ZNF385D: variants seen among roughly 807,000 people sequenced by gnomAD.
ZNF385D encodes the protein zinc finger protein 385D.
A neutral mutation model predicts 35.8 loss-of-function variants in ZNF385D; 15 were observed. The observed-to-expected ratio is 0.42, with a 90% CI of 0.28 to 0.64. The LOEUF (loss-of-function observed/expected upper bound fraction) is 0.64, where lower values mean the gene tolerates loss of function less well. Ranked by LOEUF, ZNF385D falls within the 30% of genes least tolerant of loss-of-function variation. ZNF385D has a pLI of 0.23. For synonymous variants in ZNF385D, 212 were observed against 186.8 expected (o/e 1.13, Z -1.10); for missense variants, 474 against 494.6 (o/e 0.96, Z 0.39).
chr3:21,684,517 T>TA (rs2067041966), intron 1 of ZNF385D, among the ~76,000 whole-genome samples: 2 of 151,138 alleles, frequency 1.3e-5, no homozygotes, highest in African/African-American at 4.9e-5. Flanking sequence ...CGGAACCCTT[T>TA]AAAAAATCTT....
intron 3 of ZNF385D, among the ~76,000 whole-genome samples, chr3:22,049,411 T>C (rs1029407136): frequency 2.0e-5 from 3 of 152,108 alleles, no homozygotes; most frequent in African/African-American, 7.2e-5. Flanking sequence ...TAATAGGGTG[T>C]TCTTTTTTTT....
intron 2 of ZNF385D, among the ~76,000 whole-genome samples, chr3:22,290,973 C>T (rs1313924835): frequency 6.6e-6 from 1 of 152,078 alleles, no homozygotes; most frequent in East Asian, 1.9e-4. Context: ...CAAGAGACTG[C>T]TCTGATACTT....
intron 2 of ZNF385D, among the ~76,000 whole-genome samples, chr3:21,609,415 C>G (rs891948224): frequency 6.6e-6 from 1 of 152,270 alleles, no homozygotes; most frequent in East Asian, 1.9e-4. Context: ...AATCTATTAG[C>G]AAGCCAAATG....
intron 2 of ZNF385D, among the ~76,000 whole-genome samples, chr3:21,586,996 G>GA (rs2063830748): frequency 6.6e-6 from 1 of 152,056 alleles, no homozygotes; most frequent in Non-Finnish European, 1.5e-5. Flanking sequence ...TTAGAAAGGA[G>GA]AAAATGATAG....
intron 2 of ZNF385D, among the ~76,000 whole-genome samples, chr3:21,596,528 T>A (rs2064132110): frequency 6.6e-6 from 1 of 152,120 alleles, no homozygotes; most frequent in African/African-American, 2.4e-5. Context: ...TATTTATTTA[T>A]TTTTTTAGAG....
At chr3:22,030,092 C>T (rs1000417698) in intron 3 of ZNF385D, among the ~76,000 whole-genome samples, 4 of 151,022 alleles carry the variant, frequency 2.6e-5, no homozygotes, top group Admixed American at 6.6e-5. Context: ...AGCCTAGCCT[C>T]CCAGTCTATA....
intron 3 of ZNF385D, among the ~76,000 whole-genome samples, chr3:21,520,706 T>A (rs985922285): frequency 6.6e-6 from 1 of 152,226 alleles, no homozygotes; most frequent in African/African-American, 2.4e-5. Context: ...TTTAAATGAA[T>A]AACTAACAGG....
In ZNF385D at chr3:21,664,969, G is replaced by T. The variant is rs2066359821; in HGVS notation, c.82C>A (p.Gln28Lys). Residue 28 changes from glutamine to lysine, a missense_variant, in exon 2 of 8, where the codon CAA (glutamine) becomes AAA (lysine). Physicochemically the swap from Gln to Lys is moderately conservative, Grantham distance 53. Transcript: ENST00000281523. The stretch of plus-strand genomic sequence containing the variant: ...AATGGTTTAATATCCAGCGATGGTT[G>T]CAAAGGAGGGGCTGGTGGACGGACA... ...ALVRPPAPPL[Q>K]PSLDIKPFLP... 1 of 1,613,486 alleles carries T rather than the reference G, an allele frequency of 6.2e-7. No individual in the cohort carries two copies. Among genetic ancestry groups the T allele is most frequent in the African/African-American group, 1.3e-5 (1 of 74,898 alleles).
Position 22,143,318 on chromosome 3 carries a change from T to A in ZNF385D, c.325+25499A>T, listed in dbSNP as rs577993872. Reference sequence around the variant, plus strand: ...CCAGGATGGTCTTGATCGCCTGACCTCCTGATCTGCCCGCCTCGGCCTCCC... The same window carrying A: ...CCAGGATGGTCTTGATCGCCTGACCACCTGATCTGCCCGCCTCGGCCTCCC... On this transcript the variant is annotated intron_variant, in intron 3 of 5. Coordinates refer to the ZNF385D transcript ENST00000494108. 7.2e-5 allele frequency among the ~76,000 whole-genome samples: 11 copies of A among 152,180 alleles called. No homozygotes were observed. The South Asian group carries it at 2.3e-3, about 32-fold the overall frequency.
At chr3:21,731,022 A>AAAGTT (rs2068972271) in intron 1 of ZNF385D, among the ~76,000 whole-genome samples, 1 of 152,198 alleles carries the variant, frequency 6.6e-6, no homozygotes, top group Non-Finnish European at 1.5e-5. Flanking sequence ...ACTTTTGGGA[A>AAAGTT]TATACAGTAT....
intron 1 of ZNF385D, among the ~76,000 whole-genome samples, chr3:21,716,692 G>T (rs958457069): frequency 2.6e-5 from 4 of 152,056 alleles, no homozygotes; most frequent in Non-Finnish European, 5.9e-5. Context: ...ACTTAAAAAT[G>T]TATTTTCATA....
chr3:22,205,569 T>C (rs1697092570), intron 2 of ZNF385D, among the ~76,000 whole-genome samples: 1 of 151,958 alleles, frequency 6.6e-6, no homozygotes, highest in African/African-American at 2.4e-5. Context: ...CAATAAGATA[T>C]AAATAGAAAT....
rs1264365298 is a variant in ZNF385D at position 21,420,209 on chromosome 3, T to C, written c.*1005A>G. On this transcript the variant is annotated 3_prime_UTR_variant, in exon 8 of 8. Coordinates refer to ENST00000281523, the MANE Select transcript of ZNF385D (RefSeq NM_024697.3). ...AAGAAACAACCCTACTGGTATGATA[T>C]AAAGGGGATACTGCAGAGATGCAAC... 6.6e-6 allele frequency: 1 copy of C among 152,182 alleles called. No homozygotes were observed. The highest frequency in any genetic ancestry group is 2.4e-5 in the African/African-American group (1 of 41,448). 9.4% of individuals were successfully genotyped at this position (152,182 alleles called of 1,614,324 possible).
chr3:22,195,073 T>C (rs1696319060), intron 2 of ZNF385D, among the ~76,000 whole-genome samples: 1 of 151,978 alleles, frequency 6.6e-6, no homozygotes, highest in Non-Finnish European at 1.5e-5. Flanking sequence ...AGTATTATTT[T>C]GAATTTCTAC....
chr3:21,508,216 G>A (rs755188839), intron 4 of ZNF385D, among the ~76,000 whole-genome samples: 7 of 152,088 alleles, frequency 4.6e-5, no homozygotes, highest in Non-Finnish European at 8.8e-5. Flanking sequence ...CATTTCCACT[G>A]TTAGGTAAGT....
chr3:21,509,063 CG>C (rs1403525131), intron 4 of ZNF385D, among the ~76,000 whole-genome samples: 1 of 151,304 alleles, frequency 6.6e-6, no homozygotes, highest in Non-Finnish European at 1.5e-5. Flanking sequence ...CAGCAAGCTC[CG>C]GGGGGCTTTT....
At chr3:21,752,748 A>T (rs1326001148), upstream of ZNF385D, among the ~76,000 whole-genome samples, 4 of 152,132 alleles carry the variant, frequency 2.6e-5, no homozygotes, top group African/African-American at 9.7e-5. Context: ...AGTAAAGGAT[A>T]TTAACTTTTT....
chr3:21,843,149 A>T lies in ZNF385D; in HGVS notation c.326-178121T>A, dbSNP rs149456560. Among the ~76,000 whole-genome samples, 1,396 of 152,144 alleles carry T rather than the reference A, an allele frequency of 9.2e-3. 12 individuals are homozygous for T. The highest frequency in any genetic ancestry group is 0.016 in the Non-Finnish European group (1,089 of 67,948). Reference sequence around the variant, plus strand: ...GAGAATGTTCTTGTCTCATTTCAAGACAAGCTGAACAGGACAATCATTGTG... The same window carrying T: ...GAGAATGTTCTTGTCTCATTTCAAGTCAAGCTGAACAGGACAATCATTGTG... On this transcript the variant is annotated intron_variant, in intron 3 of 5. Transcript: ENST00000494108.
chr3:21,871,447 T>C (rs1376432907), intron 3 of ZNF385D, among the ~76,000 whole-genome samples: 2 of 152,178 alleles, frequency 1.3e-5, no homozygotes, highest in Non-Finnish European at 2.9e-5. Flanking sequence ...TCCACTAAAG[T>C]GTAAACTTCT....
Sources: gnomAD v4.1 joint callset for allele counts (sites outside exome capture counted in the v4.1 genomes callset) on GRCh38, gnomAD v4.1.1 for gene constraint, MANE v1.5 for transcripts, NCBI Gene and HGNC (gene_info 2026-07-23, HGNC 2026-07-21) for gene names.